TTC29: variants seen among roughly 807,000 people sequenced by gnomAD.
TTC29 encodes tetratricopeptide repeat protein 29.
Under a neutral mutation model 58.1 loss-of-function variants are expected in TTC29, and 49 were observed. That is an observed-to-expected ratio of 0.84 (90% confidence interval 0.67 to 1.07). The LOEUF (loss-of-function observed/expected upper bound fraction) is 1.07. TTC29 is among the 50% of genes least tolerant of loss of function. The pLI is 0.00. For missense variants in TTC29, 582 were observed against 555.6 expected (o/e 1.05, Z -0.48); for synonymous variants, 209 against 196.8 (o/e 1.06, Z -0.52).
At chr4:146,878,837 C>G (rs1731437474) in intron 6 of TTC29, among the ~76,000 whole-genome samples, 1 of 152,098 alleles carries the variant, frequency 6.6e-6, no homozygotes, top group Non-Finnish European at 1.5e-5. Context: ...TGTTATATAA[C>G]CAGCTATATC....
rs190584188 is a variant in TTC29 at position 146,743,681 on chromosome 4, T to C, written c.1331-36130A>G. 5.0e-3 allele frequency among the ~76,000 whole-genome samples: 756 copies of C among 152,350 alleles called. 4 individuals carry two copies. Among genetic ancestry groups the C allele is most frequent in the Non-Finnish European group, 7.0e-3 (477 of 68,030 alleles). The stretch of plus-strand genomic sequence containing the variant: ...AAGATTATTACAGATTGCTTTGATT[T>C]CCTTCTGCTGATAATTTTGCTTCTT... On this transcript the variant is annotated intron_variant, in intron 11 of 12. Coordinates refer to ENST00000325106, the MANE Select transcript of TTC29 (RefSeq NM_031956.4).
At chr4:146,924,608 A>G (rs73852746) in intron 4 of TTC29, among the ~76,000 whole-genome samples, 9,648 of 151,668 alleles carry the variant, frequency 0.064, 1,062 homozygotes, top group African/African-American at 0.22. Context: ...TCATTTCCCA[A>G]ATTGGTAAAC....
intron 4 of TTC29, among the ~76,000 whole-genome samples, chr4:146,927,108 A>T (rs1268488622): frequency 6.6e-6 from 1 of 151,778 alleles, no homozygotes; most frequent in Non-Finnish European, 1.5e-5. Flanking sequence ...AAAAAAAGAC[A>T]CTTACATTGC....
At chr4:146,881,600 G>T (rs1279180255) in intron 6 of TTC29, among the ~76,000 whole-genome samples, 1 of 152,058 alleles carries the variant, frequency 6.6e-6, no homozygotes, top group Non-Finnish European at 1.5e-5. Context: ...AAAAACAAAA[G>T]ACACTGCTTT....
At chr4:146,749,697 G>A (rs1745832826) in intron 11 of TTC29, among the ~76,000 whole-genome samples, 1 of 152,148 alleles carries the variant, frequency 6.6e-6, no homozygotes, top group Non-Finnish European at 1.5e-5. Flanking sequence ...AACTAAAAAT[G>A]TTCTCAAGTA....
chr4:146,853,644 T>C (rs1351145610), intron 8 of TTC29, among the ~76,000 whole-genome samples: 2 of 152,144 alleles, frequency 1.3e-5, no homozygotes, highest in African/African-American at 4.8e-5. Context: ...TTTTCACACA[T>C]TACTAATTAT....
chr4:146,922,628 T>C (rs1734670392), intron 4 of TTC29, among the ~76,000 whole-genome samples: 1 of 151,740 alleles, frequency 6.6e-6, no homozygotes, highest in Non-Finnish European at 1.5e-5. Flanking sequence ...ATCTCCATTG[T>C]ACAGATGAGG....
chr4:146,842,871 T>C (rs1481910011), intron 8 of TTC29, among the ~76,000 whole-genome samples: 1 of 152,214 alleles, frequency 6.6e-6, no homozygotes, highest in Non-Finnish European at 1.5e-5. Flanking sequence ...AAGTTTGCCA[T>C]CTTGAGCTTG....
At chr4:146,835,203 A>C (rs1197287352) in intron 8 of TTC29, among the ~76,000 whole-genome samples, 3 of 152,006 alleles carry the variant, frequency 2.0e-5, no homozygotes, top group African/African-American at 7.2e-5. Flanking sequence ...TACTTTACCT[A>C]ATGTTAAATG....
rs1736213872 is a variant in TTC29, at chr4:146,939,919, T to C, written c.-6-18A>G. On this transcript the variant is annotated intron_variant, in intron 2 of 12. Coordinates refer to ENST00000325106, the MANE Select transcript of TTC29 (RefSeq NM_031956.4). ...ATTTCGGACTACAAAAAGAAATAAG[T>C]AGAAATTGTATTTTAAGGAATAAAT... 1 of 1,588,796 alleles carries C rather than the reference T, an allele frequency of 6.3e-7. No homozygotes were observed. The highest frequency in any genetic ancestry group is 1.4e-5 in the African/African-American group (1 of 73,390).
At chr4:146,893,036 C>A (rs1732492358) in intron 6 of TTC29, among the ~76,000 whole-genome samples, 1 of 152,098 alleles carries the variant, frequency 6.6e-6, no homozygotes, top group Non-Finnish European at 1.5e-5. Context: ...AAAGAGGATA[C>A]AAACAAATGG....
At chr4:146,844,995 A>G (rs990539489) in intron 8 of TTC29, among the ~76,000 whole-genome samples, 3 of 151,974 alleles carry the variant, frequency 2.0e-5, no homozygotes, top group African/African-American at 7.2e-5. Context: ...TGTAGGGGGA[A>G]ATAAGAAAAC....
chr4:146,909,061 T>A lies in TTC29; in HGVS notation c.365A>T (p.His122Leu), dbSNP rs953794285. ...EQPDKLDYLY[H>L]YLTRAEDAER... The stretch of plus-strand genomic sequence containing the variant: ...AGCGTCCTCAGCCCTGGTCAGGTAA[T>A]GGTACAGGTAATCCAGTTTATCAGG... The change falls in exon 5 of 13, where the codon CAT (histidine) becomes CTT (leucine). Residue 122 changes from histidine to leucine, a missense_variant. Transcript: ENST00000325106. 7 of 1,613,780 alleles carry A rather than the reference T, an allele frequency of 4.3e-6. No homozygotes were observed. Among genetic ancestry groups the A allele is most frequent in the African/African-American group, 1.3e-5 (1 of 74,920 alleles).
chr4:146,757,202 A>ATT (rs34791016), intron 11 of TTC29, among the ~76,000 whole-genome samples: 6 of 144,506 alleles, frequency 4.2e-5, no homozygotes, highest in South Asian at 4.4e-4. Context: ...TGTTGTTCGG[A>ATT]TTTTTTTTTT....
chr4:146,864,906 A>T (rs2150205569), intron 8 of TTC29, among the ~76,000 whole-genome samples: 1 of 146,412 alleles, frequency 6.8e-6, no homozygotes, highest in Non-Finnish European at 1.5e-5. Flanking sequence ...TCCAGGGATT[A>T]GGAAGTAGAT....
chr4:146,860,521 A>G (rs537337657), intron 8 of TTC29, among the ~76,000 whole-genome samples: 2 of 152,212 alleles, frequency 1.3e-5, no homozygotes, highest in African/African-American at 4.8e-5. Context: ...ATTGAATCCT[A>G]TATTCACTGT....
chr4:146,903,534 GC>G lies in TTC29; in HGVS notation c.586+9del, dbSNP rs1423544490. 20 of 1,589,994 alleles carry G rather than the reference GC, an allele frequency of 1.3e-5. No homozygotes were observed. The highest frequency in any genetic ancestry group is 1.6e-5 in the Non-Finnish European group (19 of 1,167,598). Reference sequence around the variant, plus strand: ...ACATACCCAAGGCATCCTGGCAAATGCCCACTCACCATCTTCCTCGTAGAGA... The same window carrying G: ...ACATACCCAAGGCATCCTGGCAAATGCCACTCACCATCTTCCTCGTAGAGA... On this transcript the variant is annotated intron_variant, in intron 6 of 12. Transcript: ENST00000325106.
At chr4:146,709,195 G>C (rs1742305855) in intron 11 of TTC29, among the ~76,000 whole-genome samples, 1 of 151,882 alleles carries the variant, frequency 6.6e-6, no homozygotes, top group Non-Finnish European at 1.5e-5. Flanking sequence ...TTTACATCTT[G>C]TCCTTTACAT....
At chr4:146,795,296 C>T (rs1749757491) in intron 11 of TTC29, among the ~76,000 whole-genome samples, 1 of 152,068 alleles carries the variant, frequency 6.6e-6, no homozygotes, top group South Asian at 2.1e-4. Context: ...AAACACTGGT[C>T]AGGATGGACT....
Sources: allele counts gnomAD v4.1 joint callset (sites outside exome capture counted in the v4.1 genomes callset), GRCh38; gene constraint gnomAD v4.1.1; transcripts MANE v1.5; gene names NCBI Gene and HGNC (gene_info 2026-07-23, HGNC 2026-07-21).